The following PTPRN2 variants were observed in gnomAD, a reference collection of about 807,000 sequenced individuals.
PTPRN2 encodes protein tyrosine phosphatase receptor type N2.
A neutral mutation model predicts 118.8 loss-of-function variants in PTPRN2; 74 were observed. The ratio of observed to expected loss-of-function variants is 0.62; its 90% CI spans 0.52 to 0.76. The LOEUF (loss-of-function observed/expected upper bound fraction) is 0.76. Among genes scored for constraint, PTPRN2 ranks in the 30% least tolerant of loss-of-function variants. The pLI is 0.00. For synonymous variants in PTPRN2, 641 were observed against 608.0 expected (o/e 1.05, Z -0.80); for missense variants, 1,481 against 1,394.4 (o/e 1.06, Z -0.99).
intron 3 of PTPRN2, among the ~76,000 whole-genome samples, chr7:158,303,781 G>A (rs1173229602): frequency 1.3e-5 from 2 of 152,244 alleles, no homozygotes; most frequent in African/African-American, 4.8e-5. Flanking sequence ...GTAAGCCCCA[G>A]ACACCATGGT....
intron 12 of PTPRN2, among the ~76,000 whole-genome samples, chr7:157,718,382 G>A (rs1255596622): frequency 6.6e-6 from 1 of 152,224 alleles, no homozygotes; most frequent in Non-Finnish European, 1.5e-5. Flanking sequence ...GAGCTCACAG[G>A]AAGGGGCCAG....
intron 12 of PTPRN2, among the ~76,000 whole-genome samples, chr7:157,692,734 C>A (rs1010506785): frequency 5.3e-5 from 8 of 152,108 alleles, no homozygotes; most frequent in Non-Finnish European, 1.2e-4. Context: ...TGCGGCGTCA[C>A]TGGCGTCCTC....
chr7:158,366,394 A>G (rs200825756), intron 2 of PTPRN2, among the ~76,000 whole-genome samples: 3 of 90,892 alleles, frequency 3.3e-5, no homozygotes, highest in African/African-American at 1.2e-4. Flanking sequence ...ACACCCACAC[A>G]CCCACAGCAT....
chr7:158,411,485 C>T (rs959702473), intron 2 of PTPRN2, among the ~76,000 whole-genome samples: 6 of 152,156 alleles, frequency 3.9e-5, no homozygotes, highest in African/African-American at 1.4e-4. Context: ...CCAGCACTCA[C>T]GGCTCACCTC....
chr7:158,425,573 A>T (rs112268447), intron 2 of PTPRN2, among the ~76,000 whole-genome samples: 149 of 82,948 alleles, frequency 1.8e-3, no homozygotes, highest in Middle Eastern at 8.2e-3. Flanking sequence ...GGGGTCCGAG[A>T]CCAGCCTAGC....
Position 158,322,019 on chromosome 7 carries a change from C to T in PTPRN2, c.164-5087G>A, listed in dbSNP as rs138282428. Among the ~76,000 whole-genome samples the T allele has an allele frequency of 1.4e-3, 215 of 152,312 alleles. 1 individual carries two copies. The highest frequency in any genetic ancestry group is 4.9e-3 in the African/African-American group (202 of 41,554). On this transcript the variant is annotated intron_variant, in intron 2 of 22. Coordinates refer to ENST00000389418, the MANE Select transcript of PTPRN2 (RefSeq NM_002847.5). ...TCGATGACGGCTTCGTGCCTTCTCC[C>T]TCTGTCTTCCCTGCAGCGTTGGGTG...
intron 11 of PTPRN2, among the ~76,000 whole-genome samples, chr7:157,999,653 G>A (rs1477190520): frequency 1.3e-5 from 2 of 152,094 alleles, no homozygotes; most frequent in East Asian, 3.9e-4. Flanking sequence ...GGGGGAAGAG[G>A]TGCTGTCTGC....
At position 158,574,778 on chromosome 7, in the gene PTPRN2, T is replaced by G. The variant is rs1040492450; in HGVS notation, c.112+12780A>C. Among the ~76,000 whole-genome samples, 5 of 152,284 alleles carry G rather than the reference T, an allele frequency of 3.3e-5. No homozygotes were observed. The highest frequency in any genetic ancestry group is 1.2e-4 in the African/African-American group (5 of 41,482). On this transcript the variant is annotated intron_variant, in intron 1 of 22. Coordinates refer to ENST00000389418, the MANE Select transcript of PTPRN2 (RefSeq NM_002847.5). This position sits in a 1 kb window ranked among gnomAD's most constrained non-coding sequence, Gnocchi z 4.6. ...TGCATGCCCGGCAGCTTCCTCCACA[T>G]GCATCAGGCTGCTGGACAGGCCTTG...
rs1326610443 is a variant in PTPRN2, at chr7:157,903,518, G to A, written c.1724-4781C>T. ...CGGATAAGTGAACAGATGTGCCACC[G>A]ACAACCCTCCCACATGCCCCACGGT... On this transcript the variant is annotated intron_variant, in intron 11 of 22. Transcript: ENST00000389418. The surrounding 1 kb of genome is among the most constrained non-coding windows in gnomAD (Gnocchi z 4.2). Among the ~76,000 whole-genome samples, 1 of 152,050 alleles carries A rather than the reference G, an allele frequency of 6.6e-6. No individual in the cohort carries two copies. The highest frequency in any genetic ancestry group is 1.9e-4 in the East Asian group (1 of 5,192).
chr7:158,133,608 C>T, intron 9 of PTPRN2, 69 bp downstream of exon 9: 1 of 1,498,684 alleles, frequency 6.7e-7, no homozygotes, highest in South Asian at 1.3e-5. Context: ...CAAGGAGGCG[C>T]CCCACCTCCA....
At chr7:158,491,292 C>T (rs1470036750) in intron 1 of PTPRN2, among the ~76,000 whole-genome samples, 1 of 152,192 alleles carries the variant, frequency 6.6e-6, no homozygotes, top group Non-Finnish European at 1.5e-5. Flanking sequence ...GATCTGCTTC[C>T]TCCCAGGAGG....
chr7:158,149,324 A>T (rs138694288), intron 6 of PTPRN2, among the ~76,000 whole-genome samples: 1 of 152,188 alleles, frequency 6.6e-6, no homozygotes, highest in African/African-American at 2.4e-5. Context: ...ATCACTGCCT[A>T]TATTTAACCC....
At chr7:158,286,873 T>C (rs1799802248) in intron 3 of PTPRN2, among the ~76,000 whole-genome samples, 1 of 152,198 alleles carries the variant, frequency 6.6e-6, no homozygotes, top group South Asian at 2.1e-4. Context: ...GTAAAATGAG[T>C]GTGGAAGTAT....
At chr7:158,179,469 G>T (rs1461065071) in intron 5 of PTPRN2, among the ~76,000 whole-genome samples, 2 of 151,824 alleles carry the variant, frequency 1.3e-5, no homozygotes, top group Admixed American at 6.6e-5. Flanking sequence ...AATTTCTTTT[G>T]CTATATGAAG....
chr7:157,875,001 G>A (rs1563196911), intron 12 of PTPRN2, among the ~76,000 whole-genome samples: 2 of 146,402 alleles, frequency 1.4e-5, no homozygotes, highest in Middle Eastern at 7.4e-3. Flanking sequence ...AGACGCAAAC[G>A]TGCATGCACA....
At chr7:158,340,854 ATG>A (rs1806612040) in intron 2 of PTPRN2, among the ~76,000 whole-genome samples, 2 of 16,432 alleles carry the variant, frequency 1.2e-4, no homozygotes, top group African/African-American at 2.5e-4. Flanking sequence ...GAGCTGACAC[ATG>A]CAGACGTCAC....
chr7:157,780,710 C>T lies in PTPRN2; in HGVS notation c.1789-97773G>A, dbSNP rs1803626746. Among the ~76,000 whole-genome samples the T allele has an allele frequency of 6.6e-6, 1 of 152,182 alleles. No homozygotes were observed. The highest frequency in any genetic ancestry group is 1.5e-5 in the Non-Finnish European group (1 of 68,038). Reference sequence around the variant, plus strand: ...CACGGGTATTCCCTATGTTGGAATGCATGATGGGGCCACACCCAGCACGGA... The same window carrying T: ...CACGGGTATTCCCTATGTTGGAATGTATGATGGGGCCACACCCAGCACGGA... On this transcript the variant is annotated intron_variant, in intron 12 of 22. Transcript: ENST00000389418. The surrounding 1 kb of genome is among the most constrained non-coding windows in gnomAD (Gnocchi z 4.5).
intron 3 of PTPRN2, among the ~76,000 whole-genome samples, chr7:158,231,638 A>T (rs904566468): frequency 2.0e-5 from 3 of 152,236 alleles, no homozygotes; most frequent in South Asian, 4.1e-4. Flanking sequence ...ACTGACATTT[A>T]TATCATTTCA....
intron 15 of PTPRN2, among the ~76,000 whole-genome samples, chr7:157,605,696 T>C (rs1303882699): frequency 2.6e-5 from 4 of 152,208 alleles, no homozygotes; most frequent in Admixed American, 2.6e-4. Flanking sequence ...GTTCAGCTCC[T>C]AGCAAAGGGG....
Sources: allele counts gnomAD v4.1 joint callset (sites outside exome capture counted in the v4.1 genomes callset), GRCh38; gene constraint gnomAD v4.1.1; non-coding constraint Gnocchi (gnomAD v3.1); transcripts MANE v1.5; gene names NCBI Gene and HGNC (gene_info 2026-07-23, HGNC 2026-07-21).